The following CSTL1 variants were observed in gnomAD, a reference collection of about 807,000 sequenced individuals.
The protein encoded by CSTL1 is cystatin like 1.
Under a neutral mutation model 14.4 loss-of-function variants are expected in CSTL1, and 14 were observed. The ratio of observed to expected loss-of-function variants is 0.97; its 90% CI spans 0.64 to 1.52. The LOEUF (loss-of-function observed/expected upper bound fraction) is 1.52, where lower values mean the gene tolerates loss of function less well. CSTL1 is among the 40% of genes most tolerant of loss of function. The pLI is 0.00. For missense variants in CSTL1, 170 were observed against 168.7 expected (o/e 1.01, Z -0.04); for synonymous variants, 72 against 67.5 (o/e 1.07, Z -0.33).
chr20:23,452,700 T>C, the CSTL1 span: 9 of 1,614,048 alleles, frequency 5.6e-6, no homozygotes, highest in East Asian at 2.0e-4. Flanking sequence ...TCTACTGCCA[T>C]CACTTCATGG....
chr20:23,460,659 G>A, the CSTL1 span, among the ~76,000 whole-genome samples: 2 of 152,078 alleles, frequency 1.3e-5, no homozygotes, highest in Non-Finnish European at 2.9e-5. Flanking sequence ...AAAAGTGTGG[G>A]ATATTGAGAA....
rs558553741 is a variant in CSTL1, at chr20:23,444,743, A to G, written c.331-28A>G. 3.3e-6 allele frequency: 5 copies of G among 1,499,066 alleles called. No homozygotes were observed. The African/African-American group carries it at 4.1e-5, about 12-fold the overall frequency. The allele number at this position is 1,499,066 out of a possible 1,614,324, so 92.9% of individuals were successfully genotyped here. On this transcript the variant is annotated intron_variant, in intron 3 of 3. Transcript: ENST00000347397. ...CTTGCCTTTGAAAAATACTTCCCCCAAAGTCTGTTTTCTTTCTTCTTCTAC... is the reference window on the plus strand; with the variant it reads ...CTTGCCTTTGAAAAATACTTCCCCCGAAGTCTGTTTTCTTTCTTCTTCTAC...
At chr20:23,450,478 G>A in the CSTL1 span, 1 of 1,493,144 alleles carries the variant, frequency 6.7e-7, no homozygotes, top group Non-Finnish European at 9.2e-7. Flanking sequence ...CTCACATGCA[G>A]TGGCCGCAGT....
the CSTL1 span, chr20:23,452,751 C>A: frequency 6.2e-7 from 1 of 1,614,170 alleles, no homozygotes. Context: ...TAGGGGAGGG[C>A]CATCAGAGTC....
downstream of CSTL1, among the ~76,000 whole-genome samples, chr20:23,445,717 CTG>C (rs762222526): frequency 1.2e-4 from 19 of 152,324 alleles, no homozygotes; most frequent in Middle Eastern, 3.4e-3. Context: ...ACACACAACA[CTG>C]TGACTCACAC....
chr20:23,460,043 G>A, the CSTL1 span, among the ~76,000 whole-genome samples: 2 of 152,170 alleles, frequency 1.3e-5, no homozygotes, highest in Admixed American at 6.5e-5. Context: ...TACTTCCCCA[G>A]CTTGTACTTC....
chr20:23,448,151 A>G (rs2123321193), downstream of CSTL1, among the ~76,000 whole-genome samples: 1 of 152,238 alleles, frequency 6.6e-6, no homozygotes, highest in South Asian at 2.1e-4. Context: ...AGCAGTGCAC[A>G]CTCTACCCAA....
At chr20:23,460,908 A>G in the CSTL1 span, among the ~76,000 whole-genome samples, 8 of 152,072 alleles carry the variant, frequency 5.3e-5, no homozygotes, top group East Asian at 1.5e-3. Context: ...ATGAAAAGCT[A>G]CTCGCCTCCC....
At chr20:23,446,781 C>T (rs1568636572), downstream of CSTL1, among the ~76,000 whole-genome samples, 1 of 152,190 alleles carries the variant, frequency 6.6e-6, no homozygotes, top group African/African-American at 2.4e-5. Flanking sequence ...CTTGACCATT[C>T]AGCCTCTTCC....
At chr20:23,449,882 T>C (rs2424559), downstream of CSTL1, among the ~76,000 whole-genome samples, 91,436 of 152,030 alleles carry the variant, frequency 0.6, 29,311 homozygotes, top group African/African-American at 0.83. Context: ...TAGACAGACC[T>C]GGTTTGGTCC....
the CSTL1 span, chr20:23,452,488 G>A: frequency 1.2e-6 from 1 of 801,016 alleles, no homozygotes; most frequent in Non-Finnish European, 2.2e-6. Context: ...AGCTAAGCAA[G>A]GTTGAATTTC....
At chr20:23,451,797 A>G in the CSTL1 span, 1 of 1,585,786 alleles carries the variant, frequency 6.3e-7, no homozygotes. Context: ...GTCTACGTTA[A>G]AGTGCTTTTA....
chr20:23,444,150 G>C, intron 3 of CSTL1, 106 bp downstream of exon 3: 1 of 959,966 alleles, frequency 1.0e-6, no homozygotes, highest in South Asian at 1.5e-5. Context: ...GGCCAGCTGG[G>C]GCCCAGCCCT....
At chr20:23,441,757 G>T (rs967686591) in intron 2 of CSTL1, among the ~76,000 whole-genome samples, 1 of 152,104 alleles carries the variant, frequency 6.6e-6, no homozygotes, top group African/African-American at 2.4e-5. Flanking sequence ...CACAGATATG[G>T]AGCTCGTAAG....
At chr20:23,446,954 A>G (rs935535428), downstream of CSTL1, among the ~76,000 whole-genome samples, 4 of 151,790 alleles carry the variant, frequency 2.6e-5, no homozygotes, top group Non-Finnish European at 5.9e-5. Flanking sequence ...TGCGCAAAAA[A>G]CCCCACAAAA....
At chr20:23,450,296 AC>A in the CSTL1 span, 2 of 433,724 alleles carry the variant, frequency 4.6e-6, no homozygotes, top group Non-Finnish European at 8.2e-6. Context: ...AATGTAGGTC[AC>A]CTCATTTGGA....
In CSTL1 at chr20:23,440,591, G is replaced by A. The variant is rs534593707; in HGVS notation, c.219+105G>A. On this transcript the variant is annotated intron_variant, in intron 2 of 3. Coordinates refer to ENST00000347397, the MANE Select transcript of CSTL1 (RefSeq NM_138283.1). ...CAAGAGAACCAAGTGGTGGTCCTCC[G>A]TGAGGTCCCAAGGGGGAAGCATCTT... The A allele has an allele frequency of 1.5e-4, 132 of 857,660 alleles. 2 individuals are homozygous for A. The highest frequency in any genetic ancestry group is 1.5e-3 in the South Asian group (115 of 75,174). 53.1% of individuals were successfully genotyped at this position (857,660 alleles called of 1,614,324 possible). A position where few individuals can be genotyped will look rare whatever the true frequency, so the allele number is the denominator to read the frequency against.
downstream of CSTL1, among the ~76,000 whole-genome samples, chr20:23,446,546 G>A (rs1342120062): frequency 6.6e-6 from 1 of 152,030 alleles, no homozygotes; most frequent in African/African-American, 2.4e-5. Flanking sequence ...GTGAGCCACT[G>A]CGCCCAGCCT....
At chr20:23,458,009 A>G in the CSTL1 span, among the ~76,000 whole-genome samples, 1 of 152,098 alleles carries the variant, frequency 6.6e-6, no homozygotes, top group African/African-American at 2.4e-5. Context: ...TCCACACTCC[A>G]TCCCCTATGG....
Sources: gnomAD v4.1 joint callset for allele counts (sites outside exome capture counted in the v4.1 genomes callset) on GRCh38, gnomAD v4.1.1 for gene constraint, MANE v1.5 for transcripts, NCBI Gene and HGNC (gene_info 2026-07-23, HGNC 2026-07-21) for gene names.